MAF: variants seen among roughly 807,000 people sequenced by gnomAD.
The protein encoded by MAF is MAF bZIP transcription factor, also known as transcription factor Maf.
Under a neutral mutation model 22.0 loss-of-function variants are expected in MAF, and 10 were observed. That is an observed-to-expected ratio of 0.45 (90% CI 0.28 to 0.77). The LOEUF is 0.77. MAF is among the 30% of genes least tolerant of loss of function. MAF has a pLI of 0.12. For missense variants in MAF, 544 were observed against 548.4 expected (o/e 0.99, Z 0.08); for synonymous variants, 337 against 255.8 (o/e 1.32, Z -3.03).
the MAF span, among the ~76,000 whole-genome samples, chr16:79,218,277 T>C: frequency 1.4e-5 from 2 of 147,808 alleles, no homozygotes; most frequent in African/African-American, 2.5e-5. Flanking sequence ...AGTTTTCCAT[T>C]ATTTTAATGG....
At chr16:79,217,107 G>C in the MAF span, among the ~76,000 whole-genome samples, 1 of 152,214 alleles carries the variant, frequency 6.6e-6, no homozygotes, top group East Asian at 1.9e-4. Context: ...ATCGCACCCG[G>C]TGTCATCTGC....
the MAF span, among the ~76,000 whole-genome samples, chr16:79,488,581 C>G: frequency 6.6e-6 from 1 of 152,146 alleles, no homozygotes; most frequent in Non-Finnish European, 1.5e-5. Context: ...ACAGATGGTG[C>G]TCCTCACATT....
chr16:79,449,794 C>T, the MAF span, among the ~76,000 whole-genome samples: 1 of 152,114 alleles, frequency 6.6e-6, no homozygotes, highest in African/African-American at 2.4e-5. Context: ...TATGATTTAC[C>T]CAGAAAGTGC....
chr16:79,234,686 G>A, the MAF span, among the ~76,000 whole-genome samples: 4,572 of 152,144 alleles, frequency 0.03, 264 homozygotes, highest in African/African-American at 0.1. Context: ...AGCAGGTAGT[G>A]GTAGCCCCTG....
At chr16:79,464,483 G>A in the MAF span, among the ~76,000 whole-genome samples, 1 of 152,164 alleles carries the variant, frequency 6.6e-6, no homozygotes, top group East Asian at 1.9e-4. Flanking sequence ...TCAACACCTT[G>A]AATGATTTCA....
chr16:79,545,669 G>C, the MAF span, among the ~76,000 whole-genome samples: 1 of 152,056 alleles, frequency 6.6e-6, no homozygotes, highest in African/African-American at 2.4e-5. Context: ...AAAATTCAAA[G>C]TATTTCTATG....
At chr16:79,515,858 T>C in the MAF span, 3 of 152,070 alleles carry the variant, frequency 2.0e-5, no homozygotes, top group Admixed American at 6.5e-5. Context: ...TAGGTTGAGA[T>C]GGAGCCTCCA....
chr16:79,456,155 T>C, the MAF span, among the ~76,000 whole-genome samples: 1 of 152,122 alleles, frequency 6.6e-6, no homozygotes, highest in Non-Finnish European at 1.5e-5. Flanking sequence ...TTGCCTACTA[T>C]CCTAGCATGG....
chr16:79,213,454 A>C, the MAF span, among the ~76,000 whole-genome samples: 1 of 150,996 alleles, frequency 6.6e-6, no homozygotes. Flanking sequence ...TTGCAAAAGC[A>C]GCCGTCAGAA....
chr16:79,218,735 T>A, the MAF span, among the ~76,000 whole-genome samples: 1 of 152,210 alleles, frequency 6.6e-6, no homozygotes, highest in African/African-American at 2.4e-5. Context: ...TTCACATGTT[T>A]AATTAGAGTG....
the MAF span, among the ~76,000 whole-genome samples, chr16:79,376,724 G>C: frequency 6.6e-6 from 1 of 151,930 alleles, no homozygotes; most frequent in Non-Finnish European, 1.5e-5. Flanking sequence ...TCCCCTTCCT[G>C]TGTCCATGTG....
chr16:79,389,976 CAAAAAAAAAA>C, the MAF span, among the ~76,000 whole-genome samples: 3 of 62,952 alleles, frequency 4.8e-5, no homozygotes, highest in African/African-American at 1.4e-4. Context: ...GACTCCATCT[CAAAAAAAAAA>C]AAAAAAAAAA....
chr16:79,308,057 A>G, the MAF span, among the ~76,000 whole-genome samples: 12,349 of 152,228 alleles, frequency 0.081, 1,263 homozygotes, highest in East Asian at 0.43. Context: ...TTTAATGACA[A>G]TGGTGATAAT....
chr16:79,579,979 T>A, the MAF span, among the ~76,000 whole-genome samples: 1 of 152,276 alleles, frequency 6.6e-6, no homozygotes, highest in East Asian at 1.9e-4. Flanking sequence ...AGCGATGGCA[T>A]GTTTTTTTTA....
the MAF span, among the ~76,000 whole-genome samples, chr16:79,253,493 G>A: frequency 6.6e-6 from 1 of 152,124 alleles, no homozygotes; most frequent in African/African-American, 2.4e-5. Context: ...AGTTCCTGTG[G>A]CCTCCCTTCT....
chr16:79,599,665 A>C lies in MAF; in HGVS notation c.238T>G (p.Ser80Ala). The part of the protein sequence containing the change: ...SPSFSAPSPG[S>A]GSEQKAHLED... Reference sequence around the variant, plus strand: ...AGGTGCGCCTTCTGCTCGCTGCCCGAGCCCGGGCTGGGCGCCGAGAAGCTG... The same window carrying C: ...AGGTGCGCCTTCTGCTCGCTGCCCGCGCCCGGGCTGGGCGCCGAGAAGCTG... The change falls in exon 1 of 2, where the codon TCG (serine) becomes GCG (alanine). Residue 80 changes from serine to alanine, a missense_variant. Ser to Ala is a moderately conservative substitution (Grantham distance 99). Coordinates refer to ENST00000326043, the MANE Select transcript of MAF (RefSeq NM_005360.5). The C allele has an allele frequency of 6.2e-7, 1 of 1,611,970 alleles. No individual in the cohort carries two copies. The highest frequency in any genetic ancestry group is 8.5e-7 in the Non-Finnish European group (1 of 1,179,612).
the MAF span, among the ~76,000 whole-genome samples, chr16:79,288,214 G>C: frequency 6.6e-6 from 1 of 152,210 alleles, no homozygotes; most frequent in Non-Finnish European, 1.5e-5. Flanking sequence ...CTGCCATCAA[G>C]AGGTGGGGTG....
chr16:79,432,853 T>C, the MAF span, among the ~76,000 whole-genome samples: 5 of 152,300 alleles, frequency 3.3e-5, no homozygotes, highest in East Asian at 1.9e-4. Flanking sequence ...TGGGAAGGCA[T>C]CCTGGAACAG....
At chr16:79,269,443 G>A in the MAF span, among the ~76,000 whole-genome samples, 2 of 152,194 alleles carry the variant, frequency 1.3e-5, no homozygotes, top group Non-Finnish European at 1.5e-5. Context: ...TCTCTCTGGC[G>A]AATGGAGGTA....
Sources: allele counts gnomAD v4.1 joint callset (sites outside exome capture counted in the v4.1 genomes callset), GRCh38; gene constraint gnomAD v4.1.1; transcripts MANE v1.5; gene names NCBI Gene and HGNC (gene_info 2026-07-23, HGNC 2026-07-21).